The following ASIC1 variants were observed in gnomAD, a reference collection of about 807,000 sequenced individuals.
The protein encoded by ASIC1 is acid-sensing ion channel 1.
ASIC1 carries 21 observed loss-of-function variants against 63.4 expected under a neutral mutation model. The ratio of observed to expected loss-of-function variants is 0.33; its 90% CI spans 0.23 to 0.48. The LOEUF (loss-of-function observed/expected upper bound fraction) is 0.48, where lower values mean the gene tolerates loss of function less well. ASIC1 is among the 20% of genes least tolerant of loss of function. The probability of loss-of-function intolerance (pLI) is 0.99; values close to 1 mark genes in which losing one functional copy is unlikely to be tolerated. For missense variants in ASIC1, 478 were observed against 695.5 expected, an observed-to-expected ratio of 0.69 and a Z score of 3.52; for synonymous variants, 258 against 278.2, an observed-to-expected ratio of 0.93 and a Z score of 0.72.
At chr12:50,061,020 A>T (rs1185536511) in intron 3 of ASIC1, among the ~76,000 whole-genome samples, 3 of 152,122 alleles carry the variant, frequency 2.0e-5, no homozygotes, top group Non-Finnish European at 1.5e-5. Context: ...CAGGATTAGA[A>T]CTCATGTCTT....
At position 50,059,066 on chromosome 12, in the gene ASIC1, T is replaced by C; in HGVS notation, c.300T>C (p.Phe100=). 1.2e-6 allele frequency: 2 copies of C among 1,614,174 alleles called. No homozygotes were observed. The highest frequency in any genetic ancestry group is 1.7e-6 in the Non-Finnish European group (2 of 1,180,024). Residue 100 remains phenylalanine, a synonymous_variant, in exon 2 of 12, where the codon TTT becomes TTC. Transcript: ENST00000447966. The surrounding 1 kb of genome is among the most constrained non-coding windows in gnomAD (Gnocchi z 4.6). ...VTLCNLNEFR[F]SQVSKNDLYH... ...TGTGCAACCTCAACGAGTTCCGCTT[T>C]AGCCAAGTCTCCAAGAATGACCTGT... is the stretch of plus-strand genomic sequence containing the variant.
At chr12:50,058,228 G>A (rs934584724) in intron 1 of ASIC1, among the ~76,000 whole-genome samples, 4 of 152,140 alleles carry the variant, frequency 2.6e-5, no homozygotes, top group African/African-American at 9.7e-5. Flanking sequence ...CGCAGGTGAG[G>A]ACTCAGGCTG....
At position 50,057,815 on chromosome 12, in the gene ASIC1, G is replaced by C. The variant is rs1166966318; in HGVS notation, c.-118G>C. 1 of 150,360 alleles carries C rather than the reference G, an allele frequency of 6.7e-6. No individual in the cohort carries two copies. The highest frequency in any genetic ancestry group is 6.6e-5 in the Admixed American group (1 of 15,092). The allele number at this position is 150,360 out of a possible 1,614,324, so 9.3% of individuals were successfully genotyped here. ...GCGTGCCGCGGCGGCCGCGGGCTCC[G>C]GCCCCGGGCCATGAGCCCCTCCGCG... is the stretch of plus-strand genomic sequence containing the variant. On this transcript the variant is annotated 5_prime_UTR_variant, in exon 1 of 12. Transcript: ENST00000447966. The surrounding 1 kb of genome is among the most constrained non-coding windows in gnomAD (Gnocchi z 4.7).
chr12:50,080,106 TG>T, intron 8 of ASIC1, 51 bp downstream of exon 8: 1 of 1,550,474 alleles, frequency 6.4e-7, no homozygotes, highest in Non-Finnish European at 8.7e-7. Context: ...GACTGTGGAA[TG>T]GATGAGTGGG....
rs764283769 is a variant in ASIC1, at chr12:50,078,899, C to T, written c.995-25C>T. On this transcript the variant is annotated intron_variant, in intron 6 of 11. Coordinates refer to ENST00000447966, the MANE Select transcript of ASIC1 (RefSeq NM_001095.4). The surrounding 1 kb of genome is among the most constrained non-coding windows in gnomAD (Gnocchi z 6.0). ...CCAGACCCCTTGAATTCCCATCCTG[C>T]ATCATTGTCTTTTCTCCTCTGTAGG... is the stretch of plus-strand genomic sequence containing the variant. 6.2e-7 allele frequency: 1 copy of T among 1,611,042 alleles called. No individual in the cohort carries two copies. Among genetic ancestry groups the T allele is most frequent in the Admixed American group, 1.7e-5 (1 of 60,012 alleles).
intron 8 of ASIC1, 89 bp downstream of exon 8, chr12:50,080,144 C>A: frequency 2.7e-6 from 4 of 1,489,418 alleles, no homozygotes; most frequent in South Asian, 1.4e-5. Context: ...GGCTGGCAGG[C>A]AGGGGGAACT....
intron 3 of ASIC1, among the ~76,000 whole-genome samples, chr12:50,071,887 AG>A (rs1950603303): frequency 6.6e-6 from 1 of 152,200 alleles, no homozygotes; most frequent in Non-Finnish European, 1.5e-5. Flanking sequence ...GCAGGGAGGC[AG>A]GGAGACCAGT....
At chr12:50,073,608 C>T (rs1479600218) in intron 3 of ASIC1, 4 of 1,532,860 alleles carry the variant, frequency 2.6e-6, no homozygotes, top group Middle Eastern at 1.7e-4. Flanking sequence ...TCTTCTGCTC[C>T]ATGTCATTCT....
rs1950621853 is a variant in ASIC1 at position 50,073,674 on chromosome 12, T to C, written c.559-3539T>C. On this transcript the variant is annotated intron_variant, in intron 3 of 11. Coordinates refer to ENST00000447966, the MANE Select transcript of ASIC1 (RefSeq NM_001095.4). ...GAGATATTTGGGGTCCCCACCACCATCAGCAGCAGCAGGACATCTCAGAAT... is the reference window on the plus strand; with the variant it reads ...GAGATATTTGGGGTCCCCACCACCACCAGCAGCAGCAGGACATCTCAGAAT... 6 of 1,536,200 alleles carry C rather than the reference T, an allele frequency of 3.9e-6. No individual in the cohort carries two copies. The East Asian group carries it at 9.8e-5, about 25-fold the overall frequency.
Position 50,081,612 on chromosome 12 carries a change from A to G in ASIC1, c.1550A>G (p.His517Arg). Reference sequence around the variant, plus strand: ...TACGCTGCCAACATCCTACCTCACCATCCGGCCCGAGGCACGTTCGAGGAC... The same window carrying G: ...TACGCTGCCAACATCCTACCTCACCGTCCGGCCCGAGGCACGTTCGAGGAC... ...MTYAANILPH[H>R]PARGTFEDFT... Residue 517 changes from histidine to arginine, a missense_variant, in exon 12 of 12, where the codon CAT becomes CGT. Physicochemically the swap from His to Arg is conservative, Grantham distance 29. Around this residue, in one of 3 missense-constraint regions of ASIC1, gnomAD observed 104 missense variants for 97.0 expected, o/e 1.07. Transcript: ENST00000447966. 6.2e-7 allele frequency: 1 copy of G among 1,614,004 alleles called. No individual in the cohort carries two copies. Among genetic ancestry groups the G allele is most frequent in the Non-Finnish European group, 8.5e-7 (1 of 1,179,994 alleles).
chr12:50,073,486 T>C, intron 3 of ASIC1: 1 of 1,428,844 alleles, frequency 7.0e-7, no homozygotes, highest in Non-Finnish European at 9.1e-7. Context: ...GCTGGGTGGC[T>C]GGCTCTGCCG....
intron 3 of ASIC1, among the ~76,000 whole-genome samples, chr12:50,063,486 G>A (rs1375809668): frequency 6.6e-6 from 1 of 152,220 alleles, no homozygotes; most frequent in Non-Finnish European, 1.5e-5. Flanking sequence ...GGAGGACAGA[G>A]TGGAAATGCT....
chr12:50,074,294 G>T lies in ASIC1; in HGVS notation c.559-2919G>T, dbSNP rs1204736504. The T allele has an allele frequency of 7.0e-7, 1 of 1,437,238 alleles. No homozygotes were observed. 89.0% of individuals were successfully genotyped at this position (1,437,238 alleles called of 1,614,324 possible). ...CAGTACCCCAAGAGTGTCTGCCATG[G>T]CTGTCCCTGACTGTCACCTCCTGGG... is the stretch of plus-strand genomic sequence containing the variant. On this transcript the variant is annotated intron_variant, in intron 3 of 11. Coordinates refer to ENST00000447966, the MANE Select transcript of ASIC1 (RefSeq NM_001095.4). This position sits in a 1 kb window ranked among gnomAD's most constrained non-coding sequence, Gnocchi z 4.2.
rs189959131 is a variant in ASIC1, at chr12:50,061,362, G to A, written c.558+1408G>A. Among the ~76,000 whole-genome samples, 6 of 152,320 alleles carry A rather than the reference G, an allele frequency of 3.9e-5. No individual in the cohort carries two copies. The East Asian group carries it at 1.2e-3, about 29-fold the overall frequency. On this transcript the variant is annotated intron_variant, in intron 3 of 11. Coordinates refer to ENST00000447966, the MANE Select transcript of ASIC1 (RefSeq NM_001095.4). ...CAATCCTGCTGGACAAAGTTCACAT[G>A]ACTGCACTCTTTGCTGAGCCAAGCT...
intron 3 of ASIC1, among the ~76,000 whole-genome samples, chr12:50,060,440 A>G (rs1950490811): frequency 6.6e-6 from 1 of 152,212 alleles, no homozygotes; most frequent in Non-Finnish European, 1.5e-5. Flanking sequence ...TGGAGTATAC[A>G]CTAAAGTTTG....
chr12:50,073,972 G>A (rs1370897690), intron 3 of ASIC1: 1 of 1,535,884 alleles, frequency 6.5e-7, no homozygotes, highest in South Asian at 1.2e-5. Context: ...GGCCACCACG[G>A]AGCTGGCCTT....
chr12:50,060,607 G>A (rs1950492647), intron 3 of ASIC1, among the ~76,000 whole-genome samples: 1 of 152,346 alleles, frequency 6.6e-6, no homozygotes, highest in African/African-American at 2.4e-5. Flanking sequence ...CTGAGGAAAG[G>A]AAGGCCATCG....
chr12:50,076,986 A>G, intron 3 of ASIC1: 1 of 708,890 alleles, frequency 1.4e-6, no homozygotes, highest in Non-Finnish European at 2.5e-6. Flanking sequence ...GCAGGTGGCA[A>G]AGGAGCTCAG....
In ASIC1 at chr12:50,078,966, C is replaced by G; in HGVS notation, c.1037C>G (p.Ala346Gly). ...YCTPEQYKECADPALDFLVEK... is the reference protein window; with the variant it reads ...YCTPEQYKECGDPALDFLVEK... ...ACTCCAGAGCAGTACAAGGAGTGTGCAGATCCTGCTCTGGGTGAGCGCCCC... is the reference window on the plus strand; with the variant it reads ...ACTCCAGAGCAGTACAAGGAGTGTGGAGATCCTGCTCTGGGTGAGCGCCCC... Residue 346 changes from alanine (A) to glycine (G), a missense_variant, in exon 7 of 12, where the codon GCA (alanine) becomes GGA (glycine). Physicochemically the swap from Ala to Gly is moderately conservative, Grantham distance 60 (BLOSUM62 0). Transcript: ENST00000447966. The surrounding 1 kb of genome is among the most constrained non-coding windows in gnomAD (Gnocchi z 6.0). 1 of 1,613,622 alleles carries G rather than the reference C, an allele frequency of 6.2e-7. No individual in the cohort carries two copies.
Sources: allele counts gnomAD v4.1 joint callset (sites outside exome capture counted in the v4.1 genomes callset), GRCh38; gene constraint gnomAD v4.1.1; regional missense constraint gnomAD v4.1.1; non-coding constraint Gnocchi (gnomAD v3.1); transcripts MANE v1.5; gene names NCBI Gene and HGNC (gene_info 2026-07-23, HGNC 2026-07-21).